Variants in TSC2 observed in about 807,000 individuals in gnomAD.
The protein encoded by TSC2 is tuberin.
Under a neutral mutation model 202.2 loss-of-function variants are expected in TSC2, and 29 were observed. The ratio of observed to expected loss-of-function variants is 0.14; its 90% CI spans 0.11 to 0.20. The LOEUF is 0.20. Among genes scored for constraint, TSC2 ranks in the 10% least tolerant of loss-of-function variants. TSC2 has a pLI of 1.00. For missense variants in TSC2, 2,429 were observed against 2,420.0 expected, an observed-to-expected ratio of 1.00 and a Z score of -0.08; for synonymous variants, 1,349 against 1,044.0, an observed-to-expected ratio of 1.29 and a Z score of -5.63.
intron 6 of TSC2, chr16:2,055,726 A>C (rs1306976081): frequency 7.5e-6 from 4 of 533,236 alleles, no homozygotes; most frequent in Non-Finnish European, 1.4e-5. Flanking sequence ...CCCTGTCTCT[A>C]CTAAAAATAC....
rs1596278522 is a variant in TSC2 at position 2,056,719 on chromosome 16, A to G, written c.724A>G (p.Thr242Ala). Residue 242 changes from threonine (T) to alanine (A), a missense_variant, in exon 8 of 42, where the codon ACC becomes GCC. Thr to Ala is a moderately conservative substitution (Grantham distance 58, BLOSUM62 0). Coordinates refer to ENST00000219476, the MANE Select transcript of TSC2 (RefSeq NM_000548.5). ...PAESLPLFIV[T>A]LCRTINVKEL... ...TGAGAGCCTCCCGCTGTTCATCGTT[A>G]CCCTCTGTCGCACCATCAACGTCAA... 6.2e-7 allele frequency: 1 copy of G among 1,612,252 alleles called. No individual in the cohort carries two copies. Among genetic ancestry groups the G allele is most frequent in the Non-Finnish European group, 8.5e-7 (1 of 1,179,982 alleles).
At chr16:2,049,987 C>T (rs1008025875) in intron 2 of TSC2, among the ~76,000 whole-genome samples, 1 of 147,042 alleles carries the variant, frequency 6.8e-6, no homozygotes, top group Non-Finnish European at 1.5e-5. Context: ...CCGAGTTTCG[C>T]TCTTGTCACC....
intron 32 of TSC2, chr16:2,082,896 C>A (rs2090312680): frequency 2.6e-6 from 1 of 388,298 alleles, no homozygotes; most frequent in Non-Finnish European, 5.0e-6. Context: ...GCTCCCCTGG[C>A]CTCTGGAACC....
At chr16:2,065,706 G>T in intron 16 of TSC2, 71 bp downstream of exon 16, 1 of 1,374,322 alleles carries the variant, frequency 7.3e-7, no homozygotes, top group Non-Finnish European at 1.0e-6. Context: ...CATCTGCGTT[G>T]TGTTGGAGTC....
rs2090449564 is a variant in TSC2 at position 2,083,954 on chromosome 16, AGACGGTCTGCACTTTGCAGCCATCCAC to A, written c.4005+139_4005+165del. On this transcript the variant is annotated intron_variant, in intron 33 of 41. Coordinates refer to ENST00000219476, the MANE Select transcript of TSC2 (RefSeq NM_000548.5). ...ATGTTCTTCCACATCCCTCGTGCAC[AGACGGTCTGCACTTTGCAGCCATCCAC>A]CTGGGCCGGCCCTGGCTGCTGGGCA... The A allele has an allele frequency of 3.5e-6, 5 of 1,430,370 alleles. No homozygotes were observed. In the Admixed American group the frequency reaches 1.2e-4, roughly 34 times the overall value. 88.6% of individuals were successfully genotyped at this position (1,430,370 alleles called of 1,614,324 possible). A position where few individuals can be genotyped will look rare whatever the true frequency, so the allele number is the denominator to read the frequency against.
At chr16:2,059,363 A>G (rs2086325373) in intron 10 of TSC2, among the ~76,000 whole-genome samples, 2 of 129,088 alleles carry the variant, frequency 1.5e-5, no homozygotes, top group South Asian at 4.9e-4. Flanking sequence ...TTTTTTTGAG[A>G]CAGAGTTTTA....
chr16:2,083,959 G>C, intron 33 of TSC2, 143 bp downstream of exon 33: 4 of 1,424,382 alleles, frequency 2.8e-6, no homozygotes, highest in Non-Finnish European at 2.8e-6. Flanking sequence ...TGCACAGACG[G>C]TCTGCACTTT....
At chr16:2,063,483 G>T in intron 14 of TSC2, 1 of 295,030 alleles carries the variant, frequency 3.4e-6, no homozygotes, top group South Asian at 3.4e-5. Context: ...TCCCTCCTCT[G>T]GGAGCTCTGT....
At chr16:2,055,995 C>T (rs2085761687) in intron 6 of TSC2, 20 of 671,142 alleles carry the variant, frequency 3.0e-5, no homozygotes, top group South Asian at 2.4e-4. Context: ...TGCATGAGCT[C>T]TGTCTCACTC....
intron 3 of TSC2, among the ~76,000 whole-genome samples, chr16:2,051,005 A>G (rs1033172839): frequency 6.6e-6 from 1 of 152,112 alleles, no homozygotes; most frequent in Non-Finnish European, 1.5e-5. Context: ...CAAAGGGATT[A>G]GGCTTTTCTA....
Position 2,080,154 on chromosome 16 carries a change from C to T in TSC2, c.3398-11C>T, listed in dbSNP as rs1567503013. On this transcript the variant is annotated splice_polypyrimidine_tract_variant and intron_variant, in intron 29 of 41. Transcript: ENST00000219476. ...AAGTGGTGGTCACCAGTCCTCTGCC[C>T]TCTTCTTCAGGGGGCCATGGTCTTC... The T allele has an allele frequency of 1.9e-6, 3 of 1,612,892 alleles. No individual in the cohort carries two copies. The highest frequency in any genetic ancestry group is 2.2e-5 in the East Asian group (1 of 44,872).
At chr16:2,049,953 C>CTTTT (rs34020463) in intron 2 of TSC2, among the ~76,000 whole-genome samples, 2 of 135,480 alleles carry the variant, frequency 1.5e-5, no homozygotes, top group Non-Finnish European at 3.2e-5. Flanking sequence ...CTCAGTAAAT[C>CTTTT]TTTTTTTTTT....
At position 2,056,823 on chromosome 16, in the gene TSC2, A is replaced by C. The variant is rs937429759; in HGVS notation, c.774+54A>C. 7 of 1,599,736 alleles carry C rather than the reference A, an allele frequency of 4.4e-6. No homozygotes were observed. The African/African-American group carries it at 9.3e-5, about 21-fold the overall frequency. On this transcript the variant is annotated intron_variant, in intron 8 of 41. Transcript: ENST00000219476. ...TTCCTGAGAGCACATGGATGGGACA[A>C]GGGCCATCCTGTCTCCCATGAATGG...
At chr16:2,075,978 A>G in intron 23 of TSC2, 86 bp downstream of exon 23, 36 of 1,612,280 alleles carry the variant, frequency 2.2e-5, no homozygotes, top group Non-Finnish European at 3.1e-5. Context: ...CTTTGTCCCC[A>G]AGGCCTGAGC....
intron 3 of TSC2, among the ~76,000 whole-genome samples, chr16:2,050,896 T>C (rs548891194): frequency 4.5e-4 from 69 of 152,226 alleles, no homozygotes; most frequent in Non-Finnish European, 7.5e-4. Flanking sequence ...CAGTTTGCAC[T>C]GTTTTAGGGG....
chr16:2,088,152 G>A lies in TSC2; in HGVS notation c.5160+13G>A, dbSNP rs1375060798. Reference sequence around the variant, plus strand: ...CCTGCACGCAAATGTGAGTGGGGGTGGGTCCAGGCGTGAGCTGGTGGGACA... The same window carrying A: ...CCTGCACGCAAATGTGAGTGGGGGTAGGTCCAGGCGTGAGCTGGTGGGACA... On this transcript the variant is annotated intron_variant, in intron 40 of 41. Transcript: ENST00000219476. 6.2e-7 allele frequency: 1 copy of A among 1,613,012 alleles called. No homozygotes were observed. The highest frequency in any genetic ancestry group is 1.1e-5 in the South Asian group (1 of 91,088).
At chr16:2,085,372 C>CA (rs1567529569) in intron 36 of TSC2, 50 bp downstream of exon 36, 1 of 1,595,428 alleles carries the variant, frequency 6.3e-7, no homozygotes, top group South Asian at 1.1e-5. Context: ...AGCTGGGCCT[C>CA]AGCCTGCAGT....
At chr16:2,073,039 G>C in intron 21 of TSC2, 56 bp downstream of exon 21, 4 of 1,610,600 alleles carry the variant, frequency 2.5e-6, no homozygotes, top group South Asian at 1.1e-5. Context: ...TCGAGGGCCT[G>C]GCCCAGGTAG....
At chr16:2,062,732 T>TCCA in intron 13 of TSC2, 132 bp downstream of exon 13, 1 of 1,076,450 alleles carries the variant, frequency 9.3e-7, no homozygotes, top group Non-Finnish European at 1.4e-6. Flanking sequence ...GCCCTGGCTC[T>TCCA]GGGTGAGCAG....
Sources: gnomAD v4.1 joint callset for allele counts (sites outside exome capture counted in the v4.1 genomes callset) on GRCh38, gnomAD v4.1.1 for gene constraint, MANE v1.5 for transcripts, NCBI Gene and HGNC (gene_info 2026-07-23, HGNC 2026-07-21) for gene names.